Variants in ANO10 observed in about 807,000 individuals in gnomAD.
The protein encoded by ANO10 is anoctamin 10.
A neutral mutation model predicts 74.7 loss-of-function variants in ANO10; 77 were observed. The observed-to-expected ratio is 1.03, with a 90% CI of 0.86 to 1.25. The LOEUF is 1.25. Among genes scored for constraint, ANO10 ranks in the 50% most tolerant of loss-of-function variants. The pLI is 0.00. For synonymous variants in ANO10, 279 were observed against 284.9 expected (o/e 0.98, Z 0.21); for missense variants, 721 against 778.1 (o/e 0.93, Z 0.87).
intron 11 of ANO10, among the ~76,000 whole-genome samples, chr3:43,487,757 T>C (rs1420914944): frequency 6.6e-6 from 1 of 152,096 alleles, no homozygotes; most frequent in Non-Finnish European, 1.5e-5. Context: ...AAAAACCAGC[T>C]CCTGGATTCA....
At chr3:43,651,260 T>TAGAACAGTGTCTACACTG (rs200158460) in intron 1 of ANO10, among the ~76,000 whole-genome samples, 3,730 of 152,298 alleles carry the variant, frequency 0.024, 157 homozygotes, top group African/African-American at 0.084. Context: ...TGTTCTCACT[T>TAGAACAGTGTCTACACTG]TTACAAAGCT....
intron 12 of ANO10, among the ~76,000 whole-genome samples, chr3:43,410,013 G>C (rs2092639581): frequency 6.6e-6 from 1 of 152,134 alleles, no homozygotes; most frequent in African/African-American, 2.4e-5. Flanking sequence ...TGTGTTAAAT[G>C]AGAAGTTGGG....
At chr3:43,424,937 T>C (rs1319618438) in intron 12 of ANO10, among the ~76,000 whole-genome samples, 1 of 152,140 alleles carries the variant, frequency 6.6e-6, no homozygotes, top group Admixed American at 6.5e-5. Flanking sequence ...ACCCAAATGA[T>C]AGATATACCA....
chr3:43,396,991 G>A (rs921090139), intron 12 of ANO10, among the ~76,000 whole-genome samples: 4 of 151,342 alleles, frequency 2.6e-5, no homozygotes, highest in Admixed American at 2.0e-4. Flanking sequence ...GTGCAAAGGC[G>A]TGATCTTGGC....
At chr3:43,637,211 T>A (rs1177357775) in intron 1 of ANO10, among the ~76,000 whole-genome samples, 3 of 151,154 alleles carry the variant, frequency 2.0e-5, no homozygotes, top group Non-Finnish European at 4.4e-5. Flanking sequence ...CTCACACCTG[T>A]AATTCCAGCA....
chr3:43,427,543 T>C (rs1343195134), intron 12 of ANO10, among the ~76,000 whole-genome samples: 3 of 152,190 alleles, frequency 2.0e-5, no homozygotes, highest in Non-Finnish European at 2.9e-5. Flanking sequence ...CCATAAGTAA[T>C]AATTTCTACT....
At chr3:43,602,342 A>T (rs7648082) in intron 2 of ANO10, among the ~76,000 whole-genome samples, 101,117 of 151,930 alleles carry the variant, frequency 0.67, 34,097 homozygotes, top group East Asian at 0.88. Flanking sequence ...TTAATTAATT[A>T]ATTTATTTAT....
At chr3:43,473,170 C>G (rs7640656) in intron 11 of ANO10, among the ~76,000 whole-genome samples, 1 of 151,712 alleles carries the variant, frequency 6.6e-6, no homozygotes, top group Non-Finnish European at 1.5e-5. Flanking sequence ...TTTTTTATAG[C>G]TGTTTTCCTA....
intron 7 of ANO10, among the ~76,000 whole-genome samples, chr3:43,572,558 A>C (rs772240658): frequency 2.0e-5 from 3 of 152,188 alleles, no homozygotes; most frequent in Non-Finnish European, 4.4e-5. Flanking sequence ...CTTTGTCACC[A>C]TAAGCATGAA....
At chr3:43,508,688 G>GC (rs1414982695) in intron 11 of ANO10, among the ~76,000 whole-genome samples, 1 of 151,642 alleles carries the variant, frequency 6.6e-6, no homozygotes, top group African/African-American at 2.4e-5. Flanking sequence ...GCAAACTATC[G>GC]CAAGGACAAA....
chr3:43,627,362 G>A (rs1212088806), intron 1 of ANO10, among the ~76,000 whole-genome samples: 6 of 152,282 alleles, frequency 3.9e-5, no homozygotes, highest in African/African-American at 1.2e-4. Context: ...TACTGGGCCA[G>A]TCTACCAAGG....
chr3:43,424,061 C>A (rs899055486), intron 12 of ANO10, among the ~76,000 whole-genome samples: 1 of 152,216 alleles, frequency 6.6e-6, no homozygotes, highest in Non-Finnish European at 1.5e-5. Context: ...ATTCCCCCAA[C>A]ACACTGCTCC....
intron 1 of ANO10, among the ~76,000 whole-genome samples, chr3:43,628,246 G>C (rs1161320787): frequency 6.6e-6 from 1 of 152,148 alleles, no homozygotes. Context: ...AGATTTCATG[G>C]ACATTTATTA....
At chr3:43,673,749 G>C (rs76031239) in intron 1 of ANO10, among the ~76,000 whole-genome samples, 2,311 of 152,176 alleles carry the variant, frequency 0.015, 33 homozygotes, top group Middle Eastern at 0.037. Context: ...AGAAGGCAGA[G>C]GAAAAGAACA....
chr3:43,649,888 G>A (rs1210867257), intron 1 of ANO10, among the ~76,000 whole-genome samples: 2 of 152,226 alleles, frequency 1.3e-5, no homozygotes, highest in Non-Finnish European at 2.9e-5. Context: ...AACAGGTGCA[G>A]GAGCCAGGTA....
At chr3:43,422,904 T>C (rs1052009534) in intron 12 of ANO10, among the ~76,000 whole-genome samples, 83 of 152,312 alleles carry the variant, frequency 5.4e-4, no homozygotes, top group African/African-American at 1.9e-3. Context: ...AAAGAAATTT[T>C]TCTCTAGTGA....
intron 11 of ANO10, among the ~76,000 whole-genome samples, chr3:43,490,530 A>G (rs1474281172): frequency 6.6e-6 from 1 of 152,238 alleles, no homozygotes; most frequent in Non-Finnish European, 1.5e-5. Flanking sequence ...AATATAGAGC[A>G]GTAGGCATCA....
intron 12 of ANO10, among the ~76,000 whole-genome samples, chr3:43,413,288 T>G (rs1438465286): frequency 3.2e-4 from 49 of 152,142 alleles, no homozygotes; most frequent in Non-Finnish European, 1.5e-5. Context: ...TGTTTGCCAT[T>G]GATATAGTTT....
intron 12 of ANO10, among the ~76,000 whole-genome samples, chr3:43,425,138 C>T: frequency 6.6e-6 from 1 of 151,296 alleles, no homozygotes; most frequent in East Asian, 1.9e-4. Flanking sequence ...TACTTTAGCA[C>T]CTTAATTCTA....
Sources: allele counts gnomAD v4.1 joint callset (sites outside exome capture counted in the v4.1 genomes callset), GRCh38; gene constraint gnomAD v4.1.1; transcripts MANE v1.5; gene names NCBI Gene and HGNC (gene_info 2026-07-23, HGNC 2026-07-21).